The following ABCC9 variants were observed in gnomAD, a reference collection of about 807,000 sequenced individuals.
ABCC9 encodes ATP-binding cassette sub-family C member 9.
A neutral mutation model predicts 188.3 loss-of-function variants in ABCC9; 95 were observed. The ratio of observed to expected loss-of-function variants is 0.50; its 90% CI spans 0.43 to 0.60. The LOEUF (loss-of-function observed/expected upper bound fraction) is 0.60, where lower values mean the gene tolerates loss of function less well. ABCC9 is among the 20% of genes least tolerant of loss of function. The pLI, the probability that ABCC9 is intolerant of heterozygous loss-of-function variation, is 0.00. For missense variants in ABCC9, 1,102 were observed against 1,876.3 expected (o/e 0.59, Z 7.62); for synonymous variants, 659 against 652.7 (o/e 1.01, Z -0.15).
chr12:21,798,746 G>T lies in ABCC9; in HGVS notation c.*2298C>A, dbSNP rs1055378766. The T allele has an allele frequency of 4.7e-5, 7 of 149,958 alleles. No individual in the cohort carries two copies. Among genetic ancestry groups the T allele is most frequent in the African/African-American group, 1.7e-4 (7 of 40,582 alleles). The allele number at this position is 149,958 out of a possible 1,614,324, so 9.3% of individuals were successfully genotyped here. On this transcript the variant is annotated 3_prime_UTR_variant, in exon 40 of 40. Coordinates refer to ENST00000261200, the MANE Select transcript of ABCC9 (RefSeq NM_020297.4). The stretch of plus-strand genomic sequence containing the variant: ...ATTTGACCCAGCCATCCCATTACTG[G>T]GTATATACCCAAATGACTATAAATC...
intron 3 of ABCC9, among the ~76,000 whole-genome samples, chr12:21,935,466 A>G (rs1277805156): frequency 1.3e-5 from 2 of 152,148 alleles, no homozygotes; most frequent in Non-Finnish European, 2.9e-5. Context: ...GTATCCTCTC[A>G]ATTGATATTT....
intron 29 of ABCC9, among the ~76,000 whole-genome samples, chr12:21,840,250 C>A (rs1269122544): frequency 6.6e-6 from 1 of 152,186 alleles, no homozygotes; most frequent in South Asian, 2.1e-4. Context: ...GCATGTTAAG[C>A]TGCCTGAGCT....
Position 21,860,088 on chromosome 12 carries a change from C to CT in ABCC9, c.2425-423dup, listed in dbSNP as rs558190408. Among the ~76,000 whole-genome samples the CT allele has an allele frequency of 5.8e-4, 55 of 94,166 alleles. 2 individuals are homozygous for CT. In the South Asian group the frequency reaches 0.015, roughly 25 times the overall value. 61.8% of individuals were successfully genotyped at this position (94,166 alleles called of 152,430 possible). A position where few individuals can be genotyped will look rare whatever the true frequency, so the allele number is the denominator to read the frequency against. Reference sequence around the variant, plus strand: ...CTTTCATAATAAAGTACCACTTACACTTTAAAAAAAAAACTAGTATTAATT... The same window carrying CT: ...CTTTCATAATAAAGTACCACTTACACTTTTAAAAAAAAAACTAGTATTAATT... On this transcript the variant is annotated intron_variant, in intron 21 of 39. Transcript: ENST00000261200.
chr12:21,905,975 G>A, intron 12 of ABCC9, 151 bp downstream of exon 12: 1 of 821,078 alleles, frequency 1.2e-6, no homozygotes, highest in Admixed American at 2.1e-5. Context: ...GCCTCGTGTG[G>A]CTGGTGGCTA....
rs113973392 is a variant in ABCC9, at chr12:21,834,786, T to TATACACACACAC, written c.3566+3291_3566+3292insGTGTGTGTGTAT. Among the ~76,000 whole-genome samples, 258 of 141,592 alleles carry TATACACACACAC rather than the reference T, an allele frequency of 1.8e-3. 1 individual carries two copies. The highest frequency in any genetic ancestry group is 4.2e-3 in the African/African-American group (160 of 38,274). 92.9% of individuals were successfully genotyped at this position (141,592 alleles called of 152,430 possible). A position where few individuals can be genotyped will look rare whatever the true frequency, so the allele number is the denominator to read the frequency against. ...TATACATATAGCATATATAACATTA[T>TATACACACACAC]ACACACACACACACACACACACACA... On this transcript the variant is annotated intron_variant, in intron 30 of 39. Transcript: ENST00000261200.
chr12:21,841,167 TTACTA>T (rs1237886800), intron 29 of ABCC9, among the ~76,000 whole-genome samples: 1 of 152,174 alleles, frequency 6.6e-6, no homozygotes, highest in Non-Finnish European at 1.5e-5. Context: ...ATAACAAACT[TTACTA>T]TACTATATAT....
rs888161001 is a variant in ABCC9 at position 21,852,438 on chromosome 12, A to C, written c.2573T>G (p.Phe858Cys). The C allele has an allele frequency of 1.2e-6, 2 of 1,613,830 alleles. No individual in the cohort carries two copies. The highest frequency in any genetic ancestry group is 2.2e-5 in the South Asian group (2 of 91,080). The change falls in exon 23 of 40, where the codon TTC becomes TGC. Residue 858 changes from phenylalanine to cysteine, a missense_variant. By Grantham distance (205) the Phe-to-Cys change is radical. Coordinates refer to ENST00000261200, the MANE Select transcript of ABCC9 (RefSeq NM_020297.4). ...DHLMQEGILK[F>C]LQDDKRTLVL... ...GAGTGTCCTTTTGTCATCTTGCAGG[A>C]ATTTCAAAATCCCCTCCTGCATTAA...
intron 7 of ABCC9, among the ~76,000 whole-genome samples, chr12:21,915,115 G>A (rs1948480210): frequency 6.6e-6 from 1 of 151,106 alleles, no homozygotes. Flanking sequence ...TGGTCAGGCT[G>A]GTCTCAAACT....
intron 29 of ABCC9, among the ~76,000 whole-genome samples, chr12:21,839,495 A>G (rs1040899591): frequency 1.3e-5 from 2 of 152,218 alleles, no homozygotes; most frequent in African/African-American, 4.8e-5. Flanking sequence ...AAACACAGAC[A>G]TATACTGAAT....
intron 24 of ABCC9, among the ~76,000 whole-genome samples, chr12:21,851,014 G>T (rs571885071): frequency 5.9e-5 from 9 of 152,118 alleles, no homozygotes; most frequent in African/African-American, 1.9e-4. Flanking sequence ...AAAGAAGGTA[G>T]AGAAATCCTA....
intron 31 of ABCC9, among the ~76,000 whole-genome samples, 166 bp downstream of exon 31, chr12:21,828,792 A>G (rs550596483): frequency 1.1e-4 from 16 of 152,344 alleles, no homozygotes; most frequent in African/African-American, 3.6e-4. Flanking sequence ...AAACATTATG[A>G]CAAACTTCAT....
At chr12:21,818,089 T>C (rs2137194064) in intron 32 of ABCC9, 61 bp downstream of exon 32, 2 of 1,256,710 alleles carry the variant, frequency 1.6e-6, no homozygotes, top group East Asian at 4.6e-5. Flanking sequence ...AATTCCCATT[T>C]ATGAGTGAGA....
intron 31 of ABCC9, among the ~76,000 whole-genome samples, chr12:21,825,902 A>G (rs1415719378): frequency 4.6e-5 from 7 of 152,174 alleles, no homozygotes; most frequent in African/African-American, 1.7e-4. Flanking sequence ...ATTTTCTGTC[A>G]ATAGCAGTGA....
intron 18 of ABCC9, among the ~76,000 whole-genome samples, chr12:21,870,138 T>C (rs1945993481): frequency 1.3e-5 from 2 of 152,224 alleles, no homozygotes; most frequent in Admixed American, 1.3e-4. Flanking sequence ...TTCTGAATTT[T>C]ATTTGTAATA....
At chr12:21,896,079 CTTTT>C (rs5796933) in intron 12 of ABCC9, among the ~76,000 whole-genome samples, 4 of 128,026 alleles carry the variant, frequency 3.1e-5, no homozygotes, top group African/African-American at 2.9e-5. Flanking sequence ...ATCTAATTTT[CTTTT>C]TTTTTTTTTT....
chr12:21,802,488 C>T (rs1941517099), intron 39 of ABCC9, among the ~76,000 whole-genome samples: 1 of 152,144 alleles, frequency 6.6e-6, no homozygotes, highest in Non-Finnish European at 1.5e-5. Context: ...TTAACCCAAT[C>T]TATTCAGATG....
intron 30 of ABCC9, among the ~76,000 whole-genome samples, chr12:21,829,276 A>G (rs1943583343): frequency 7.8e-6 from 1 of 127,950 alleles, no homozygotes; most frequent in Non-Finnish European, 1.5e-5. Flanking sequence ...ATCTCGGCTC[A>G]CTGCAAGCTC....
intron 18 of ABCC9, among the ~76,000 whole-genome samples, chr12:21,872,286 G>A (rs1427000955): frequency 1.3e-5 from 2 of 152,072 alleles, no homozygotes; most frequent in East Asian, 3.9e-4. Context: ...TATAAATAAT[G>A]CACATTTTCC....
At chr12:21,865,595 G>A (rs946709072) in intron 18 of ABCC9, among the ~76,000 whole-genome samples, 1 of 152,158 alleles carries the variant, frequency 6.6e-6, no homozygotes, top group Non-Finnish European at 1.5e-5. Context: ...AGAGAAGAGT[G>A]AGTATGTGGC....
Sources: allele counts gnomAD v4.1 joint callset (sites outside exome capture counted in the v4.1 genomes callset), GRCh38; gene constraint gnomAD v4.1.1; transcripts MANE v1.5; gene names NCBI Gene and HGNC (gene_info 2026-07-23, HGNC 2026-07-21).